The following MYO3A variants were observed in gnomAD, a reference collection of about 807,000 sequenced individuals.
MYO3A encodes myosin-IIIa.
In MYO3A, 180 loss-of-function variants were observed where a neutral mutation model predicts 192.7. The ratio of observed to expected loss-of-function variants is 0.93; its 90% CI spans 0.83 to 1.06. The LOEUF (loss-of-function observed/expected upper bound fraction) is 1.06. MYO3A is among the 50% of genes least tolerant of loss of function. The pLI, the probability that MYO3A is intolerant of heterozygous loss-of-function variation, is 0.00. For missense variants in MYO3A, 1,896 were observed against 1,905.0 expected (o/e 1.00, Z 0.09); for synonymous variants, 628 against 645.3 (o/e 0.97, Z 0.41).
At chr10:26,178,285 G>A (rs1457279436) in intron 31 of MYO3A, among the ~76,000 whole-genome samples, 3 of 152,210 alleles carry the variant, frequency 2.0e-5, no homozygotes, top group South Asian at 4.1e-4. Context: ...GGGAGGCAGC[G>A]TCCTGGGAGG....
intron 15 of MYO3A, among the ~76,000 whole-genome samples, chr10:26,092,151 G>A (rs961069760): frequency 2.6e-5 from 4 of 152,168 alleles, no homozygotes; most frequent in Admixed American, 6.5e-5. Flanking sequence ...GTTGTTTTAC[G>A]AATACCCTGT....
At chr10:26,014,622 G>A (rs898048983) in intron 6 of MYO3A, among the ~76,000 whole-genome samples, 1 of 151,934 alleles carries the variant, frequency 6.6e-6, no homozygotes, top group Non-Finnish European at 1.5e-5. Flanking sequence ...AAGCATTGTT[G>A]GATGACCTAA....
In MYO3A at chr10:26,202,966, A is replaced by T. The variant is rs147749053; in HGVS notation, c.4589A>T (p.Gln1530Leu). The T allele has an allele frequency of 3.8e-4, 608 of 1,613,586 alleles. 2 individuals carry two copies. In the African/African-American group the frequency reaches 7.1e-3, roughly 19 times the overall value. ...EEKRRPRKDS[Q>L]GKLLDLEDFY... is the part of the protein sequence containing the mutation. The stretch of plus-strand genomic sequence containing the variant: ...TGTGTTTATGTGTTCATTTACAGTC[A>T]GGGAAAATTATTAGATTTGGAAGAT... The change falls in exon 34 of 35, where the codon CAG (glutamine) becomes CTG (leucine). Residue 1530 changes from glutamine to leucine, a missense_variant and splice_region_variant. By Grantham distance (113) the Gln-to-Leu change is moderately radical (BLOSUM62 -2). Coordinates refer to ENST00000642920, the MANE Select transcript of MYO3A (RefSeq NM_017433.5).
intron 10 of MYO3A, among the ~76,000 whole-genome samples, chr10:26,044,467 C>A (rs925296692): frequency 6.6e-6 from 1 of 152,150 alleles, no homozygotes; most frequent in African/African-American, 2.4e-5. Flanking sequence ...CGGGGATGGG[C>A]GATTCCCCCT....
intron 17 of MYO3A, among the ~76,000 whole-genome samples, chr10:26,100,678 T>G (rs934216115): frequency 6.6e-6 from 1 of 152,210 alleles, no homozygotes; most frequent in Non-Finnish European, 1.5e-5. Context: ...AGGAGCAGGT[T>G]GTTCAGTTTC....
chr10:26,197,120 G>T (rs1843447898), intron 32 of MYO3A, among the ~76,000 whole-genome samples: 1 of 152,224 alleles, frequency 6.6e-6, no homozygotes, highest in Non-Finnish European at 1.5e-5. Flanking sequence ...TACCAAGGAA[G>T]AAGGCCTTAA....
intron 34 of MYO3A, chr10:26,204,020 TAGGAG>T (rs1050095223): frequency 3.3e-5 from 5 of 152,216 alleles, no homozygotes; most frequent in African/African-American, 9.6e-5. Flanking sequence ...ATAGGGTACT[TAGGAG>T]AGGCATAGGA....
At chr10:26,125,012 T>TAA (rs1423955093) in intron 18 of MYO3A, among the ~76,000 whole-genome samples, 12 of 152,214 alleles carry the variant, frequency 7.9e-5, no homozygotes, top group South Asian at 2.1e-4. Context: ...TTTCTACATT[T>TAA]TGAAAATATG....
chr10:26,078,624 GT>G (rs1835741754), intron 14 of MYO3A, among the ~76,000 whole-genome samples: 1 of 151,980 alleles, frequency 6.6e-6, no homozygotes, highest in African/African-American at 2.4e-5. Context: ...TGTTCTTTCA[GT>G]TTTTTTGATG....
chr10:26,167,370 T>C (rs1841810729), intron 27 of MYO3A, among the ~76,000 whole-genome samples: 1 of 152,174 alleles, frequency 6.6e-6, no homozygotes, highest in Non-Finnish European at 1.5e-5. Context: ...TAAGGGGATA[T>C]TTTGGGCATT....
intron 13 of MYO3A, 33 bp downstream of exon 13, chr10:26,070,248 C>T (rs764206365): frequency 3.8e-6 from 6 of 1,587,272 alleles, no homozygotes; most frequent in Non-Finnish European, 5.2e-6. Context: ...AGAAATTTAC[C>T]TCTTAGTTAC....
chr10:25,978,012 T>A (rs1257091056), intron 4 of MYO3A, among the ~76,000 whole-genome samples: 1 of 152,210 alleles, frequency 6.6e-6, no homozygotes, highest in African/African-American at 2.4e-5. Context: ...AATGTGAATT[T>A]TTTTTTAATA....
At chr10:25,961,775 C>T (rs1259267264) in intron 4 of MYO3A, among the ~76,000 whole-genome samples, 2 of 152,102 alleles carry the variant, frequency 1.3e-5, no homozygotes, top group Non-Finnish European at 2.9e-5. Context: ...ATGAATGGTG[C>T]AGGTGCTGCT....
intron 20 of MYO3A, 126 bp from the exon 21 acceptor site, chr10:26,143,322 C>A: frequency 1.1e-6 from 1 of 941,352 alleles, no homozygotes; most frequent in Non-Finnish European, 1.6e-6. Flanking sequence ...CAGAGCGAGT[C>A]TCCGTCACAA....
intron 27 of MYO3A, among the ~76,000 whole-genome samples, chr10:26,168,379 G>A (rs1379300512): frequency 6.6e-6 from 1 of 152,018 alleles, no homozygotes; most frequent in Admixed American, 6.6e-5. Context: ...AAAATAAAAA[G>A]CATAAAAATT....
chr10:25,989,364 C>T (rs2130847705), intron 4 of MYO3A, among the ~76,000 whole-genome samples: 1 of 151,934 alleles, frequency 6.6e-6, no homozygotes. Flanking sequence ...ACAGTGGAGC[C>T]AGTCTGACCT....
At chr10:26,106,383 A>G (rs188685214) in intron 17 of MYO3A, among the ~76,000 whole-genome samples, 12 of 152,166 alleles carry the variant, frequency 7.9e-5, no homozygotes, top group Non-Finnish European at 1.8e-4. Flanking sequence ...TAACTATGTT[A>G]AGGTTTTTAT....
chr10:25,968,899 G>T (rs986833624), intron 4 of MYO3A, among the ~76,000 whole-genome samples: 3 of 152,178 alleles, frequency 2.0e-5, no homozygotes, highest in African/African-American at 7.2e-5. Flanking sequence ...TTATCAGATT[G>T]TCATAGTATT....
intron 14 of MYO3A, among the ~76,000 whole-genome samples, chr10:26,079,840 A>G (rs550760166): frequency 6.6e-6 from 1 of 152,322 alleles, no homozygotes; most frequent in South Asian, 2.1e-4. Flanking sequence ...GAGGCTGAAG[A>G]TAGGGTCCCA....
Sources: gnomAD v4.1 joint callset for allele counts (sites outside exome capture counted in the v4.1 genomes callset) on GRCh38, gnomAD v4.1.1 for gene constraint, MANE v1.5 for transcripts, NCBI Gene and HGNC (gene_info 2026-07-23, HGNC 2026-07-21) for gene names.